Variants in ARHGAP20 observed in about 807,000 individuals in gnomAD.
ARHGAP20 encodes rho GTPase-activating protein 20.
In ARHGAP20, 34 loss-of-function variants were observed where a neutral mutation model predicts 73.7. The observed-to-expected ratio is 0.46, with a 90% CI of 0.35 to 0.61. ARHGAP20 has a LOEUF of 0.61. Among genes scored for constraint, ARHGAP20 ranks in the 20% least tolerant of loss-of-function variants. The pLI, the probability that ARHGAP20 is intolerant of heterozygous loss-of-function variation, is 0.00. For synonymous variants in ARHGAP20, 523 were observed against 518.2 expected (o/e 1.01, Z -0.13); for missense variants, 1,314 against 1,420.9 (o/e 0.92, Z 1.21).
At chr11:110,619,693 T>C (rs955898119) in intron 4 of ARHGAP20, among the ~76,000 whole-genome samples, 2 of 151,464 alleles carry the variant, frequency 1.3e-5, no homozygotes, top group African/African-American at 4.9e-5. Context: ...GTATATGTAG[T>C]GATAGAGTAT....
chr11:110,586,393 A>G, intron 11 of ARHGAP20, 68 bp from the exon 12 acceptor site: 1 of 1,017,314 alleles, frequency 9.8e-7, no homozygotes, highest in East Asian at 2.6e-5. Flanking sequence ...TAGAGAAAGT[A>G]GAAGACATTT....
In ARHGAP20 at chr11:110,649,656, G is replaced by C. The variant is rs143132614; in HGVS notation, c.189-18864C>G. On this transcript the variant is annotated intron_variant, in intron 2 of 14. Transcript: ENST00000683387. Reference sequence around the variant, plus strand: ...CAGTGTTTCATTTGAATCTTTCAGAGAGTTACATTTTAGACAAAAGAAAAA... The same window carrying C: ...CAGTGTTTCATTTGAATCTTTCAGACAGTTACATTTTAGACAAAAGAAAAA... Among the ~76,000 whole-genome samples, 943 of 152,078 alleles carry C rather than the reference G, an allele frequency of 6.2e-3. 5 individuals are homozygous for C. The highest frequency in any genetic ancestry group is 0.021 in the African/African-American group (866 of 41,528).
chr11:110,624,441 T>A, intron 3 of ARHGAP20, 130 bp from the exon 4 acceptor site: 1 of 661,610 alleles, frequency 1.5e-6, no homozygotes. Flanking sequence ...ATGTTCTCAC[T>A]CATAAGAGTG....
rs1348922270 is a variant in ARHGAP20, at chr11:110,579,453, T to C, written c.3493A>G (p.Thr1165Ala). The C allele has an allele frequency of 2.5e-6, 4 of 1,613,952 alleles. No individual in the cohort carries two copies. In the Admixed American group the frequency reaches 6.7e-5, roughly 27 times the overall value. ...PWERASASSW[T>A]LEDATSPDSG... ...TCTGGGCTGGTCGCATCCTCTAGAG[T>C]CCAAGAGCTGGCTGAGGCTCTTTCC... The change falls in exon 15 of 15, where the codon ACT (threonine) becomes GCT (alanine). Residue 1165 changes from threonine to alanine, a missense_variant. By Grantham distance (58) the Thr-to-Ala change is moderately conservative (BLOSUM62 0). Coordinates refer to ENST00000683387, the MANE Select transcript of ARHGAP20 (RefSeq NM_001384657.1).
chr11:110,664,481 C>G (rs1190917294), intron 2 of ARHGAP20, among the ~76,000 whole-genome samples: 1 of 152,112 alleles, frequency 6.6e-6, no homozygotes, highest in Admixed American at 6.5e-5. Flanking sequence ...CTAATCCCAG[C>G]ACTTTGGGAG....
chr11:110,634,530 C>T (rs1948922883), intron 2 of ARHGAP20, among the ~76,000 whole-genome samples: 2 of 152,130 alleles, frequency 1.3e-5, no homozygotes, highest in South Asian at 4.1e-4. Flanking sequence ...ATTGACTCAG[C>T]TTCCTCCTCC....
intron 2 of ARHGAP20, among the ~76,000 whole-genome samples, chr11:110,681,009 G>A (rs984580241): frequency 1.3e-5 from 2 of 152,094 alleles, no homozygotes; most frequent in African/African-American, 4.8e-5. Context: ...GTGGGGTTTT[G>A]CAGGCTACTG....
intron 11 of ARHGAP20, among the ~76,000 whole-genome samples, chr11:110,588,279 A>G (rs907103102): frequency 2.0e-5 from 3 of 152,232 alleles, no homozygotes; most frequent in Admixed American, 1.3e-4. Context: ...CATCAGCAGA[A>G]CCCTCAAAGT....
At chr11:110,591,078 C>T (rs1947816762) in intron 10 of ARHGAP20, among the ~76,000 whole-genome samples, 1 of 152,170 alleles carries the variant, frequency 6.6e-6, no homozygotes, top group Non-Finnish European at 1.5e-5. Flanking sequence ...GTCACATGAT[C>T]TATTATATAA....
intron 14 of ARHGAP20, 75 bp from the exon 15 acceptor site, chr11:110,581,300 C>T: frequency 7.2e-7 from 1 of 1,393,904 alleles, no homozygotes; most frequent in South Asian, 1.5e-5. Context: ...AGAACAAATT[C>T]TCTTTTCATG....
intron 2 of ARHGAP20, among the ~76,000 whole-genome samples, chr11:110,689,271 A>AT (rs968397802): frequency 3.9e-5 from 6 of 151,956 alleles, no homozygotes; most frequent in Middle Eastern, 3.4e-3. Context: ...AATCATATAG[A>AT]TTTTATGTTA....
At chr11:110,619,266 TAG>T (rs1263493998) in intron 4 of ARHGAP20, among the ~76,000 whole-genome samples, 5 of 85,274 alleles carry the variant, frequency 5.9e-5, no homozygotes, top group South Asian at 5.2e-4. Context: ...TATGCAGTGA[TAG>T]AGTGTATGCA....
At position 110,577,143 on chromosome 11, in the gene ARHGAP20, G is replaced by C. The variant is rs2134760593; in HGVS notation, c.*2227C>G. 6.5e-7 allele frequency: 1 copy of C among 1,534,522 alleles called. No homozygotes were observed. ...GAAAACCAAACAACTTTAAAAGTTA[G>C]CAGCAGTTTCTGCAAGTACAAAAAT... On this transcript the variant is annotated 3_prime_UTR_variant, in exon 15 of 15. Transcript: ENST00000683387.
chr11:110,579,540 A>G lies in ARHGAP20; in HGVS notation c.3406T>C (p.Cys1136Arg), dbSNP rs897080755. 5 of 1,614,146 alleles carry G rather than the reference A, an allele frequency of 3.1e-6. No individual in the cohort carries two copies. The highest frequency in any genetic ancestry group is 4.2e-6 in the Non-Finnish European group (5 of 1,180,000). The stretch of plus-strand genomic sequence containing the variant: ...TCTATTTCCTCATGTGACTTCATGC[A>G]CAGCTTAAGTCTGCTCTCCACCAGG... ...FSLVESRLKL[C>R]MKSHEEIEPG... Residue 1136 changes from cysteine to arginine, a missense_variant, in exon 15 of 15, where the codon TGC becomes CGC. Cys to Arg is a radical substitution (Grantham distance 180). This residue lies in a region of ARHGAP20 where 641 missense variants were observed against 636.9 expected (regional missense o/e 1.01). Coordinates refer to ENST00000683387, the MANE Select transcript of ARHGAP20 (RefSeq NM_001384657.1).
chr11:110,601,636 A>G (rs1948112087), intron 9 of ARHGAP20, among the ~76,000 whole-genome samples: 3 of 152,202 alleles, frequency 2.0e-5, no homozygotes, highest in Non-Finnish European at 4.4e-5. Context: ...ATTTTTAAAA[A>G]GTTGAAAAAA....
chr11:110,694,368 C>A lies in ARHGAP20; in HGVS notation c.106-3739G>T, dbSNP rs114978977. Among the ~76,000 whole-genome samples, 1,350 of 151,780 alleles carry A rather than the reference C, an allele frequency of 8.9e-3. 14 individuals carry two copies. Among genetic ancestry groups the A allele is most frequent in the African/African-American group, 0.031 (1,272 of 41,488 alleles). On this transcript the variant is annotated intron_variant, in intron 1 of 14. Transcript: ENST00000683387. ...GGTGTACAAGTAATTGCTGTTTTTG[C>A]CATTACTTCCAATGGATCTTTGACC...
intron 2 of ARHGAP20, among the ~76,000 whole-genome samples, chr11:110,651,820 C>G (rs988150763): frequency 7.2e-5 from 11 of 151,944 alleles, no homozygotes; most frequent in African/African-American, 2.7e-4. Context: ...CAAAGAGAAG[C>G]TGCTACCATT....
chr11:110,628,949 T>C (rs936886135), intron 3 of ARHGAP20, among the ~76,000 whole-genome samples: 14 of 152,046 alleles, frequency 9.2e-5, no homozygotes, highest in Non-Finnish European at 1.2e-4. Context: ...ACAACTTACA[T>C]GCTAACAGTA....
Position 110,580,576 on chromosome 11 carries a change from C to T in ARHGAP20, c.2370G>A (p.Val790=), listed in dbSNP as rs1947430425. The change falls in exon 15 of 15, where the codon GTG becomes GTA. Residue 790 remains valine, a synonymous_variant. Transcript: ENST00000683387. ...KSLSGSEGNH[V]KLFPKSKPVA... is the part of the protein sequence containing the mutation. ...CTGGCTTAGACTTAGGGAAAAGTTT[C>T]ACGTGATTTCCTTCACTACCAGACA... The T allele has an allele frequency of 1.9e-6, 3 of 1,614,090 alleles. No individual in the cohort carries two copies. Among genetic ancestry groups the T allele is most frequent in the Non-Finnish European group, 2.5e-6 (3 of 1,180,044 alleles).
Sources: gnomAD v4.1 joint callset for allele counts (sites outside exome capture counted in the v4.1 genomes callset) on GRCh38, gnomAD v4.1.1 for gene constraint, gnomAD v4.1.1 regional missense constraint, MANE v1.5 for transcripts, NCBI Gene and HGNC (gene_info 2026-07-23, HGNC 2026-07-21) for gene names.